RPE65: variants seen among roughly 807,000 people sequenced by gnomAD.
The protein encoded by RPE65 is retinoid isomerohydrolase.
Under a neutral mutation model 68.5 loss-of-function variants are expected in RPE65, and 58 were observed. The observed-to-expected ratio is 0.85, with a 90% CI of 0.69 to 1.05. The LOEUF is 1.05. Ranked by LOEUF, RPE65 falls within the 50% of genes least tolerant of loss-of-function variation. RPE65 has a pLI of 0.00. For missense variants in RPE65, 643 were observed against 629.9 expected, an observed-to-expected ratio of 1.02 and a Z score of -0.22; for synonymous variants, 220 against 222.2, an observed-to-expected ratio of 0.99 and a Z score of 0.09.
chr1:68,449,264 ATT>A (rs1234984685), intron 1 of RPE65, among the ~76,000 whole-genome samples: 1 of 151,738 alleles, frequency 6.6e-6, no homozygotes, highest in African/African-American at 2.4e-5. Flanking sequence ...TTATACCATA[ATT>A]TTTTCCCCAT....
rs372462955 is a variant in RPE65 at position 68,446,617 on chromosome 1, C to T, written c.245+93G>A. On this transcript the variant is annotated intron_variant, in intron 3 of 13. Coordinates refer to ENST00000262340, the MANE Select transcript of RPE65 (RefSeq NM_000329.3). ...GAGAAGAAAGTGGGTATATAGGTTG[C>T]CTCCTGAGTTCAGAGGTGAAAACTC... The T allele has an allele frequency of 1.4e-5, 21 of 1,486,482 alleles. No homozygotes were observed. In the African/African-American group the frequency reaches 2.2e-4, roughly 16 times the overall value. 92.1% of individuals were successfully genotyped at this position (1,486,482 alleles called of 1,614,324 possible).
At chr1:68,438,369 A>C (rs1168115492) in intron 9 of RPE65, 53 bp from the exon 10 acceptor site, 2 of 1,597,676 alleles carry the variant, frequency 1.3e-6, no homozygotes, top group Non-Finnish European at 1.7e-6. Flanking sequence ...ATAATTTTAG[A>C]GAGATGATTC....
At chr1:68,447,158 A>T (rs1645948495) in intron 2 of RPE65, among the ~76,000 whole-genome samples, 1 of 152,092 alleles carries the variant, frequency 6.6e-6, no homozygotes, top group Non-Finnish European at 1.5e-5. Context: ...CACCTAATAG[A>T]TTTCCCCAAA....
intron 2 of RPE65, 71 bp from the exon 3 acceptor site, chr1:68,446,931 G>C: frequency 6.2e-7 from 1 of 1,601,120 alleles, no homozygotes; most frequent in Admixed American, 1.7e-5. Flanking sequence ...TGGTAAGGCA[G>C]AGTATATCAG....
At position 68,439,280 on chromosome 1, in the gene RPE65, CT is replaced by C; in HGVS notation, c.768del (p.Val257SerfsTer68). 1 of 1,613,962 alleles carries C rather than the reference CT, an allele frequency of 6.2e-7. No homozygotes were observed. Among genetic ancestry groups the C allele is most frequent in the East Asian group, 2.2e-5 (1 of 44,864 alleles). ...TPNYIVFVET[P>X]VKINLFKFLS... ...AGGAACTTGAACAGGTTAATTTTGA[CT>C]GGTGTCTCCACAAAAACGATATAGT... On this transcript the variant is annotated frameshift_variant, in exon 8 of 14. Transcript: ENST00000262340. LOFTEE classifies it high-confidence loss of function.
chr1:68,446,799 A>C lies in RPE65; in HGVS notation c.156T>G (p.Val52=), dbSNP rs1645945856. 1.2e-6 allele frequency: 2 copies of C among 1,614,178 alleles called. No individual in the cohort carries two copies. The highest frequency in any genetic ancestry group is 1.7e-6 in the Non-Finnish European group (2 of 1,180,034). The change falls in exon 3 of 14, where the codon GTT becomes GTG. Residue 52 remains valine, a synonymous_variant. Transcript: ENST00000262340. The part of the protein sequence containing the change: ...LLRCGPGLFE[V]GSEPFYHLFD... ...ACAGGTGGTAAAATGGCTCAGATCC[A>C]ACTTCAAAGAGTCCTGGCCCACATC...
At chr1:68,432,075 A>G (rs1037698506) in intron 10 of RPE65, among the ~76,000 whole-genome samples, 1 of 151,860 alleles carries the variant, frequency 6.6e-6, no homozygotes, top group Non-Finnish European at 1.5e-5. Flanking sequence ...AAGAAAAAAA[A>G]AAAACGCTGG....
intron 10 of RPE65, among the ~76,000 whole-genome samples, chr1:68,433,375 A>T (rs1645839765): frequency 6.6e-6 from 1 of 152,054 alleles, no homozygotes; most frequent in Non-Finnish European, 1.5e-5. Flanking sequence ...AAAGATGGGG[A>T]GAATTGGGAG....
rs2100807260 is a variant in RPE65 at position 68,431,272 on chromosome 1, G to A, written c.1338+10C>T. On this transcript the variant is annotated intron_variant, in intron 12 of 13. Coordinates refer to ENST00000262340, the MANE Select transcript of RPE65 (RefSeq NM_000329.3). ...GCACTGTTCAAATATTAGTAAGAAG[G>A]ATTAATTACCCTATCTGGAACAAAG... The A allele has an allele frequency of 2.5e-6, 4 of 1,612,634 alleles. No homozygotes were observed. The highest frequency in any genetic ancestry group is 3.4e-6 in the Non-Finnish European group (4 of 1,178,830).
At chr1:68,444,405 G>T in intron 5 of RPE65, 126 bp downstream of exon 5, 1 of 1,234,666 alleles carries the variant, frequency 8.1e-7, no homozygotes, top group Non-Finnish European at 1.2e-6. Context: ...TTTGGAGCTT[G>T]GAATGGTCAT....
intron 2 of RPE65, 24 bp from the exon 3 acceptor site, chr1:68,446,884 A>G (rs2100831614): frequency 6.2e-7 from 1 of 1,612,620 alleles, no homozygotes; most frequent in Non-Finnish European, 8.5e-7. Context: ...GAGACAGAAC[A>G]TTGCTTCTTA....
chr1:68,448,742 T>C (rs1056871074), intron 1 of RPE65, 36 bp from the exon 2 acceptor site: 7 of 1,589,994 alleles, frequency 4.4e-6, no homozygotes, highest in Non-Finnish European at 6.0e-6. Flanking sequence ...AAGCCCATGT[T>C]GATGCTCAAA....
Position 68,448,620 on chromosome 1 carries a change from C to A in RPE65, c.94+4G>T. The A allele has an allele frequency of 6.2e-7, 1 of 1,613,714 alleles. No homozygotes were observed. Among genetic ancestry groups the A allele is most frequent in the Non-Finnish European group, 8.5e-7 (1 of 1,179,850 alleles). On this transcript the variant is annotated splice_donor_region_variant and intron_variant, in intron 2 of 13. Transcript: ENST00000262340. Reference sequence around the variant, plus strand: ...AGGATGGCTTCAAGATGGGCGAGACCAACCTGTTACATGAGCTGTGAGCGG... The same window carrying A: ...AGGATGGCTTCAAGATGGGCGAGACAAACCTGTTACATGAGCTGTGAGCGG...
At chr1:68,439,359 G>A (rs780930307) in intron 7 of RPE65, 36 bp from the exon 8 acceptor site, 19 of 1,610,970 alleles carry the variant, frequency 1.2e-5, no homozygotes, top group Non-Finnish European at 1.6e-5. Flanking sequence ...TGAATGAAAG[G>A]GCTGATTCTC....
chr1:68,444,950 A>G (rs755207497), intron 3 of RPE65, 67 bp from the exon 4 acceptor site: 21 of 1,330,524 alleles, frequency 1.6e-5, no homozygotes, highest in Non-Finnish European at 2.2e-5. Context: ...TGTGGAGCTT[A>G]GAATGGCCAT....
rs978564187 is a variant in RPE65, at chr1:68,438,325, A to T, written c.999-9T>A. Reference sequence around the variant, plus strand: ...TATAAACAAACTCAAATCTGCAAAAATAAAAAGTCAAACATGAGCACAGGC... The same window carrying T: ...TATAAACAAACTCAAATCTGCAAAATTAAAAAGTCAAACATGAGCACAGGC... On this transcript the variant is annotated splice_polypyrimidine_tract_variant and intron_variant, in intron 9 of 13. Coordinates refer to ENST00000262340, the MANE Select transcript of RPE65 (RefSeq NM_000329.3). 2.5e-6 allele frequency: 4 copies of T among 1,612,134 alleles called. No individual in the cohort carries two copies. Among genetic ancestry groups the T allele is most frequent in the Non-Finnish European group, 3.4e-6 (4 of 1,179,688 alleles).
chr1:68,440,690 TAGG>T (rs973764624), intron 6 of RPE65, among the ~76,000 whole-genome samples, 160 bp downstream of exon 6: 2 of 152,180 alleles, frequency 1.3e-5, no homozygotes, highest in Admixed American at 1.3e-4. Flanking sequence ...CCTTGGGCAT[TAGG>T]CCCCTTATAG....
At chr1:68,434,001 T>C (rs1290005771) in intron 10 of RPE65, among the ~76,000 whole-genome samples, 1 of 151,600 alleles carries the variant, frequency 6.6e-6, no homozygotes, top group Non-Finnish European at 1.5e-5. Flanking sequence ...GCAAGTGATG[T>C]TGAAAGATAA....
chr1:68,433,745 C>T (rs1323337790), intron 10 of RPE65, among the ~76,000 whole-genome samples: 1 of 152,040 alleles, frequency 6.6e-6, no homozygotes, highest in Non-Finnish European at 1.5e-5. Flanking sequence ...TTAGTTCAGC[C>T]TCAGAGGTAT....
Sources: allele counts gnomAD v4.1 joint callset (sites outside exome capture counted in the v4.1 genomes callset), GRCh38; gene constraint gnomAD v4.1.1; transcripts MANE v1.5; gene names NCBI Gene and HGNC (gene_info 2026-07-23, HGNC 2026-07-21).